Variants in CAPN8 observed in about 807,000 individuals in gnomAD.
The protein encoded by CAPN8 is calpain-8.
CAPN8 carries 87 observed loss-of-function variants against 80.9 expected under a neutral mutation model. The ratio of observed to expected loss-of-function variants is 1.07; its 90% CI spans 0.90 to 1.28. CAPN8 has a LOEUF of 1.28. Ranked by LOEUF, CAPN8 falls within the 50% of genes most tolerant of loss-of-function variation. The probability of loss-of-function intolerance (pLI) is 0.00; values close to 1 mark genes in which losing one functional copy is unlikely to be tolerated. For missense variants in CAPN8, 757 were observed against 702.0 expected (o/e 1.08, Z -0.89); for synonymous variants, 299 against 273.8 (o/e 1.09, Z -0.91).
At chr1:223,624,083 T>C (rs1051340386) in intron 6 of CAPN8, among the ~76,000 whole-genome samples, 7 of 152,166 alleles carry the variant, frequency 4.6e-5, no homozygotes, top group African/African-American at 1.4e-4. Flanking sequence ...ACTCTATTTA[T>C]TTATTTATTT....
At chr1:223,645,629 C>G (rs549675604) in intron 2 of CAPN8, among the ~76,000 whole-genome samples, 1 of 152,288 alleles carries the variant, frequency 6.6e-6, no homozygotes, top group South Asian at 2.1e-4. Context: ...AACACATGTA[C>G]AGAAGGGGCT....
Position 223,654,215 on chromosome 1 carries a change from C to T in CAPN8, c.307+115G>A, listed in dbSNP as rs146810192. The T allele has an allele frequency of 7.2e-4, 617 of 854,868 alleles. 5 individuals are homozygous for T. The African/African-American group carries it at 9.4e-3, about 13-fold the overall frequency. 53.0% of individuals were successfully genotyped at this position (854,868 alleles called of 1,614,324 possible). ...TCTCAGAAACACAAACCCAGACGGA[C>T]ACATCAGGTACCTAATTCACTCGGT... is the stretch of plus-strand genomic sequence containing the variant. On this transcript the variant is annotated intron_variant, in intron 2 of 20. Coordinates refer to ENST00000366872, the MANE Select transcript of CAPN8 (RefSeq NM_001143962.2).
intron 2 of CAPN8, among the ~76,000 whole-genome samples, 155 bp downstream of exon 2, chr1:223,654,175 C>G (rs2105406): frequency 0.32 from 48,235 of 152,094 alleles, 9,092 homozygotes; most frequent in East Asian, 0.53. Context: ...TTTGGACTCA[C>G]AGTGAAGAAT....
intron 4 of CAPN8, among the ~76,000 whole-genome samples, chr1:223,627,382 T>A (rs773286692): frequency 2.6e-5 from 4 of 152,108 alleles, no homozygotes; most frequent in Non-Finnish European, 5.9e-5. Flanking sequence ...AGCCACCCCC[T>A]CCTTTACAAA....
intron 2 of CAPN8, among the ~76,000 whole-genome samples, chr1:223,631,232 T>A (rs903076551): frequency 3.3e-5 from 5 of 151,794 alleles, no homozygotes; most frequent in African/African-American, 1.2e-4. Context: ...TGATACCGCC[T>A]ACCCTCCAGC....
intron 1 of CAPN8, among the ~76,000 whole-genome samples, chr1:223,655,097 T>C (rs1571740723): frequency 6.6e-6 from 1 of 152,136 alleles, no homozygotes; most frequent in East Asian, 1.9e-4. Flanking sequence ...TGAGATAATA[T>C]GTGATGAAAA....
At chr1:223,548,949 T>A (rs1359456665) in intron 16 of CAPN8, among the ~76,000 whole-genome samples, 1 of 75,302 alleles carries the variant, frequency 1.3e-5, no homozygotes. Flanking sequence ...AGGGTGGGGG[T>A]GGGGACGGGT....
chr1:223,616,227 G>A, intron 9 of CAPN8, 82 bp from the exon 10 acceptor site: 17 of 1,421,272 alleles, frequency 1.2e-5, no homozygotes, highest in Non-Finnish European at 1.6e-5. Context: ...GAAGAAACTT[G>A]ATCATCCTAA....
intron 20 of CAPN8, 48 bp from the exon 21 acceptor site, chr1:223,541,907 T>C: frequency 6.4e-7 from 1 of 1,551,268 alleles, no homozygotes; most frequent in Non-Finnish European, 8.7e-7. Context: ...CAGGGGCTGG[T>C]GTGCTTTCAC....
Position 223,544,363 on chromosome 1 carries a change from C to A in CAPN8, c.1913-180G>T, listed in dbSNP as rs1656560215. 5.0e-6 allele frequency: 3 copies of A among 600,066 alleles called. No homozygotes were observed. In the East Asian group the frequency reaches 8.3e-5, roughly 17 times the overall value. 37.2% of individuals were successfully genotyped at this position (600,066 alleles called of 1,614,324 possible). A position where few individuals can be genotyped will look rare whatever the true frequency, so the allele number is the denominator to read the frequency against. ...AGGTGTCCTGCCATCCATCCCTCTC[C>A]TTGTAGCTACTCCTCACCAAGATCA... On this transcript the variant is annotated intron_variant, in intron 18 of 20. Coordinates refer to ENST00000366872, the MANE Select transcript of CAPN8 (RefSeq NM_001143962.2).
chr1:223,543,422 T>C (rs1338779312), intron 19 of CAPN8, among the ~76,000 whole-genome samples: 1 of 148,372 alleles, frequency 6.7e-6, no homozygotes, highest in Admixed American at 6.7e-5. Context: ...GTCCCTTTGG[T>C]ATCTCCATCC....
chr1:223,643,258 A>G (rs949021659), intron 2 of CAPN8, among the ~76,000 whole-genome samples: 4 of 152,240 alleles, frequency 2.6e-5, no homozygotes, highest in African/African-American at 4.8e-5. Context: ...ACACACTGTC[A>G]AGTGTCCCCT....
chr1:223,658,062 G>T (rs1658546159), intron 1 of CAPN8, among the ~76,000 whole-genome samples: 1 of 152,020 alleles, frequency 6.6e-6, no homozygotes, highest in Admixed American at 6.6e-5. Flanking sequence ...CCTGGCTCTT[G>T]GTCCTCAACC....
chr1:223,654,608 A>G (rs1318804682), intron 1 of CAPN8, among the ~76,000 whole-genome samples: 3 of 152,196 alleles, frequency 2.0e-5, no homozygotes, highest in Non-Finnish European at 4.4e-5. Flanking sequence ...TGAACAGAGC[A>G]GAAGCTGGAG....
intron 1 of CAPN8, among the ~76,000 whole-genome samples, chr1:223,656,737 G>A (rs1271601375): frequency 1.6e-5 from 2 of 128,030 alleles, no homozygotes; most frequent in East Asian, 2.4e-4. Flanking sequence ...AAGCCAGAAT[G>A]CAGTGGCGCG....
At chr1:223,546,885 G>GGTGGGTGTT (rs973883560) in intron 16 of CAPN8, among the ~76,000 whole-genome samples, 1 of 149,908 alleles carries the variant, frequency 6.7e-6, no homozygotes, top group Non-Finnish European at 1.5e-5. Flanking sequence ...TTTGTTTTGT[G>GGTGGGTGTT]GTTGTTGTTG....
chr1:223,610,600 G>C (rs1284101745), intron 11 of CAPN8, among the ~76,000 whole-genome samples: 7 of 152,190 alleles, frequency 4.6e-5, no homozygotes, highest in Non-Finnish European at 1.0e-4. Context: ...GTCTTGGGTT[G>C]GGAAGGGGGC....
At chr1:223,542,681 A>G (rs538883834) in intron 20 of CAPN8, among the ~76,000 whole-genome samples, 3 of 152,290 alleles carry the variant, frequency 2.0e-5, no homozygotes, top group Admixed American at 6.5e-5. Flanking sequence ...CTGCAAAAAC[A>G]TTATGTGACT....
In CAPN8 at chr1:223,609,256, G is replaced by A. The variant is rs1020518115; in HGVS notation, c.1432C>T (p.Arg478Trp). Residue 478 changes from arginine (R) to tryptophan (W), a missense_variant, in exon 12 of 21, where the codon CGG (arginine) becomes TGG (tryptophan). Arg to Trp is a moderately radical substitution (Grantham distance 101). Coordinates refer to ENST00000366872, the MANE Select transcript of CAPN8 (RefSeq NM_001143962.2). ...ACCAGGTACTCCCCAGGGGGCAGCC[G>A]GGCCCGGCCAGAGACCTCCCGCAGG... ...VNLREVSGRA[R>W]LPPGEYLVVP... The A allele has an allele frequency of 1.7e-3, 687 of 398,510 alleles. 4 individuals are homozygous for A. Among genetic ancestry groups the A allele is most frequent in the Non-Finnish European group, 7.9e-4 (179 of 226,082 alleles). 24.7% of individuals were successfully genotyped at this position (398,510 alleles called of 1,614,324 possible). A position where few individuals can be genotyped will look rare whatever the true frequency, so the allele number is the denominator to read the frequency against.
Sources: allele counts gnomAD v4.1 joint callset (sites outside exome capture counted in the v4.1 genomes callset), GRCh38; gene constraint gnomAD v4.1.1; transcripts MANE v1.5; gene names NCBI Gene and HGNC (gene_info 2026-07-23, HGNC 2026-07-21).